The following RAPGEF5 variants were observed in gnomAD, a reference collection of about 807,000 sequenced individuals.
The protein encoded by RAPGEF5 is M-Ras-regulated GEF.
In RAPGEF5, 65 loss-of-function variants were observed where a neutral mutation model predicts 125.2. The observed-to-expected ratio is 0.52, with a 90% CI of 0.43 to 0.64. The LOEUF (loss-of-function observed/expected upper bound fraction) is 0.64. Among genes scored for constraint, RAPGEF5 ranks in the 30% least tolerant of loss-of-function variants. The pLI, the probability that RAPGEF5 is intolerant of heterozygous loss-of-function variation, is 0.00. For missense variants in RAPGEF5, 958 were observed against 1,048.1 expected (o/e 0.91, Z 1.19); for synonymous variants, 391 against 385.9 (o/e 1.01, Z -0.16).
At position 22,356,992 on chromosome 7, in the gene RAPGEF5, C is replaced by A; in HGVS notation, c.69G>T (p.Ala23=). ...PCESPALAAA[A]AVVAADGPLR... ...GGGGGCCGTCTGCCGCCACCACCGC[C>A]GCCGCGGCGGCCAGGGCCGGGCTCT... Residue 23 remains alanine, a synonymous_variant, in exon 1 of 26, where the codon GCG becomes GCT. Transcript: ENST00000665637. 2 of 1,024,794 alleles carry A rather than the reference C, an allele frequency of 2.0e-6. No homozygotes were observed. The highest frequency in any genetic ancestry group is 2.3e-6 in the Non-Finnish European group (2 of 857,728). The allele number at this position is 1,024,794 out of a possible 1,614,324, so 63.5% of individuals were successfully genotyped here. A position where few individuals can be genotyped will look rare whatever the true frequency, so the allele number is the denominator to read the frequency against.
rs946408326 is a variant in RAPGEF5 at position 22,122,186 on chromosome 7, T to A, written c.*220A>T. The stretch of plus-strand genomic sequence containing the variant: ...ATCTCAAGAATGCTTCTGACTCTCC[T>A]TCTGCCTTCTTGTCCCGAGAGTAGC... On this transcript the variant is annotated 3_prime_UTR_variant, in exon 26 of 26. Coordinates refer to ENST00000665637, the MANE Select transcript of RAPGEF5 (RefSeq NM_012294.5). 4 of 500,628 alleles carry A rather than the reference T, an allele frequency of 8.0e-6. No homozygotes were observed. Among genetic ancestry groups the A allele is most frequent in the Non-Finnish European group, 1.4e-5 (4 of 276,050 alleles). 31.0% of individuals were successfully genotyped at this position (500,628 alleles called of 1,614,324 possible).
intron 1 of RAPGEF5, among the ~76,000 whole-genome samples, chr7:22,320,937 C>A (rs907829448): frequency 1.3e-5 from 2 of 151,888 alleles, no homozygotes; most frequent in Non-Finnish European, 2.9e-5. Context: ...TGCAGGGTAT[C>A]CTCTCTTAAA....
At chr7:22,304,431 C>T (rs1454251086) in intron 5 of RAPGEF5, among the ~76,000 whole-genome samples, 2 of 152,168 alleles carry the variant, frequency 1.3e-5, no homozygotes, top group African/African-American at 4.8e-5. Flanking sequence ...ATCAGTATGA[C>T]AAAAGACTGC....
intron 1 of RAPGEF5, among the ~76,000 whole-genome samples, chr7:22,330,431 T>C (rs1783894969): frequency 6.6e-6 from 1 of 152,190 alleles, no homozygotes; most frequent in South Asian, 2.1e-4. Context: ...AGTGATAACC[T>C]ATGGTAGGGA....
chr7:22,237,049 C>T (rs1475852630), intron 7 of RAPGEF5, among the ~76,000 whole-genome samples: 1 of 151,122 alleles, frequency 6.6e-6, no homozygotes, highest in African/African-American at 2.4e-5. Flanking sequence ...CCTGGAATGC[C>T]CTTGTCCCTG....
At chr7:22,287,886 G>A (rs774641104) in intron 6 of RAPGEF5, among the ~76,000 whole-genome samples, 1 of 152,142 alleles carries the variant, frequency 6.6e-6, no homozygotes, top group African/African-American at 2.4e-5. Flanking sequence ...CTTGGCCAAG[G>A]TCACATTGTT....
At chr7:22,215,847 A>G (rs1439639337) in intron 9 of RAPGEF5, among the ~76,000 whole-genome samples, 1 of 152,232 alleles carries the variant, frequency 6.6e-6, no homozygotes, top group Non-Finnish European at 1.5e-5. Flanking sequence ...AGTGTTTGCC[A>G]GAACCCCACC....
At chr7:22,226,310 A>G (rs558518721) in intron 8 of RAPGEF5, among the ~76,000 whole-genome samples, 33 of 152,320 alleles carry the variant, frequency 2.2e-4, no homozygotes, top group African/African-American at 7.5e-4. Flanking sequence ...AGAAGTTCAT[A>G]TAATTTTTTT....
intron 14 of RAPGEF5, 110 bp downstream of exon 14, chr7:22,160,408 T>A (rs541343551): frequency 9.8e-7 from 1 of 1,025,300 alleles, no homozygotes; most frequent in African/African-American, 1.6e-5. Context: ...TCAAGATGAA[T>A]CTGAGTCAAA....
intron 1 of RAPGEF5, among the ~76,000 whole-genome samples, chr7:22,326,888 A>T (rs1158298524): frequency 6.6e-6 from 1 of 152,242 alleles, no homozygotes; most frequent in Non-Finnish European, 1.5e-5. Context: ...CACAAAAAAA[A>T]TATTAAAGAG....
chr7:22,282,595 G>A (rs893236770), intron 6 of RAPGEF5, among the ~76,000 whole-genome samples: 3 of 152,132 alleles, frequency 2.0e-5, no homozygotes, highest in African/African-American at 7.2e-5. Context: ...AATAACGCCT[G>A]TCTCAAATGC....
At chr7:22,178,703 G>A (rs1209760651) in intron 11 of RAPGEF5, among the ~76,000 whole-genome samples, 1 of 152,202 alleles carries the variant, frequency 6.6e-6, no homozygotes, top group African/African-American at 2.4e-5. Flanking sequence ...GCACATGGAT[G>A]TGTTCACCGA....
chr7:22,326,188 G>A (rs896433682), intron 1 of RAPGEF5, among the ~76,000 whole-genome samples: 2 of 152,138 alleles, frequency 1.3e-5, no homozygotes, highest in South Asian at 4.2e-4. Context: ...AAGAATTCAG[G>A]ATACTTGTTC....
chr7:22,181,809 A>G lies in RAPGEF5; in HGVS notation c.1204+11558T>C, dbSNP rs114083701. ...ATTGTAGAGTAAGAAAGCCTGAGGC[A>G]GAAAATGAGGATAATGGGAAATGGG... On this transcript the variant is annotated intron_variant, in intron 11 of 25. Transcript: ENST00000665637. Among the ~76,000 whole-genome samples, 679 of 152,338 alleles carry G rather than the reference A, an allele frequency of 4.5e-3. 7 individuals carry two copies. Among genetic ancestry groups the G allele is most frequent in the African/African-American group, 0.015 (611 of 41,596 alleles).
intron 23 of RAPGEF5, among the ~76,000 whole-genome samples, chr7:22,131,891 C>G (rs1325846812): frequency 6.6e-6 from 1 of 152,090 alleles, no homozygotes; most frequent in African/African-American, 2.4e-5. Context: ...ATAAAGGTAG[C>G]AACTGAAGCT....
At chr7:22,223,375 T>C (rs2128133261) in intron 8 of RAPGEF5, among the ~76,000 whole-genome samples, 1 of 152,316 alleles carries the variant, frequency 6.6e-6, no homozygotes, top group South Asian at 2.1e-4. Context: ...AGTGGAGCAA[T>C]TTCTGTTTGA....
intron 1 of RAPGEF5, among the ~76,000 whole-genome samples, chr7:22,325,301 T>G (rs1305513587): frequency 1.3e-5 from 2 of 152,148 alleles, no homozygotes; most frequent in African/African-American, 4.8e-5. Context: ...ACCATCAGTG[T>G]GGAGAAGGAG....
At chr7:22,346,600 T>C (rs1031456341) in intron 1 of RAPGEF5, among the ~76,000 whole-genome samples, 1 of 152,126 alleles carries the variant, frequency 6.6e-6, no homozygotes, top group Non-Finnish European at 1.5e-5. Flanking sequence ...TCACAAGTAT[T>C]TGCATGTACA....
chr7:22,128,083 C>T (rs1388427142), intron 24 of RAPGEF5, among the ~76,000 whole-genome samples: 1 of 152,216 alleles, frequency 6.6e-6, no homozygotes, highest in East Asian at 1.9e-4. Context: ...ATGCCATTTG[C>T]GTAGCTTGTG....
Sources: allele counts gnomAD v4.1 joint callset (sites outside exome capture counted in the v4.1 genomes callset), GRCh38; gene constraint gnomAD v4.1.1; transcripts MANE v1.5; gene names NCBI Gene and HGNC (gene_info 2026-07-23, HGNC 2026-07-21).